SENP6: variants seen among roughly 807,000 people sequenced by gnomAD.
SENP6 encodes the protein SUMO specific peptidase 6, also known as sentrin-specific protease 6.
Under a neutral mutation model 134.5 loss-of-function variants are expected in SENP6, and 41 were observed. The observed-to-expected ratio is 0.30, with a 90% CI of 0.24 to 0.40. SENP6 has a LOEUF of 0.40. SENP6 is among the 10% of genes least tolerant of loss of function. The pLI is 1.00. For missense variants in SENP6, 1,248 were observed against 1,312.5 expected, an observed-to-expected ratio of 0.95 and a Z score of 0.76; for synonymous variants, 395 against 429.8, an observed-to-expected ratio of 0.92 and a Z score of 1.00.
chr6:75,695,730 C>G (rs1211788981), intron 16 of SENP6, 74 bp from the exon 17 acceptor site: 3 of 1,269,896 alleles, frequency 2.4e-6, no homozygotes, highest in Non-Finnish European at 3.2e-6. Flanking sequence ...GAGTGAGACT[C>G]TGTCTCAAAA....
intron 7 of SENP6, 52 bp from the exon 8 acceptor site, chr6:75,659,210 A>G (rs1771584551): frequency 6.6e-6 from 9 of 1,358,590 alleles, no homozygotes; most frequent in South Asian, 4.0e-5. Flanking sequence ...TTGCTGAAAC[A>G]CTAGCTTATT....
At chr6:75,634,386 A>G (rs1769346408) in intron 4 of SENP6, among the ~76,000 whole-genome samples, 1 of 152,144 alleles carries the variant, frequency 6.6e-6, no homozygotes, top group African/African-American at 2.4e-5. Context: ...AGCTGGGATT[A>G]CAGGTGCCCA....
intron 3 of SENP6, 150 bp from the exon 4 acceptor site, chr6:75,633,431 T>C: frequency 1.6e-6 from 1 of 612,656 alleles, no homozygotes. Context: ...AAGTAGGCAG[T>C]TGAATTATTC....
chr6:75,676,022 G>T lies in SENP6; in HGVS notation c.1589G>T (p.Trp530Leu). Residue 530 changes from tryptophan (W) to leucine (L), a missense_variant, in exon 13 of 24, where the codon TGG becomes TTG. By Grantham distance (61) the Trp-to-Leu change is moderately conservative. Transcript: ENST00000447266. ...QLQMNKEDKV[W>L]NDCKGVNKLT... ...CAAATGAATAAGGAGGATAAAGTTT[G>T]GAATGATTGTAAAGGAGTAAATAAA... 1.2e-6 allele frequency: 2 copies of T among 1,607,780 alleles called. No homozygotes were observed. The highest frequency in any genetic ancestry group is 2.2e-5 in the South Asian group (2 of 89,884).
At chr6:75,605,184 A>G (rs895170145) in intron 1 of SENP6, among the ~76,000 whole-genome samples, 3 of 152,266 alleles carry the variant, frequency 2.0e-5, no homozygotes, top group Admixed American at 6.5e-5. Flanking sequence ...ATATTAAGAC[A>G]TCTACATATT....
rs200273746 is a variant in SENP6, at chr6:75,693,397, CA to C, written c.2076-2406del. On this transcript the variant is annotated intron_variant, in intron 16 of 23. Coordinates refer to ENST00000447266, the MANE Select transcript of SENP6 (RefSeq NM_015571.4). ...GCAGCCTGGGAGACAGAGTGATACT[CA>C]GTCTGAAATTTAAAAAAAAAAAAAA... Among the ~76,000 whole-genome samples the C allele has an allele frequency of 3.6e-3, 478 of 132,190 alleles. 3 individuals carry two copies. Among genetic ancestry groups the C allele is most frequent in the African/African-American group, 0.013 (459 of 34,524 alleles). The allele number at this position is 132,190 out of a possible 152,430, so 86.7% of individuals were successfully genotyped here.
chr6:75,630,848 T>TA (rs34235206), intron 3 of SENP6, among the ~76,000 whole-genome samples: 3,763 of 149,292 alleles, frequency 0.025, 134 homozygotes, highest in African/African-American at 0.081. Context: ...AACCATCATT[T>TA]AAAAAAAAAA....
At chr6:75,603,120 A>G (rs182583705) in intron 1 of SENP6, among the ~76,000 whole-genome samples, 168 of 152,272 alleles carry the variant, frequency 1.1e-3, no homozygotes, top group African/African-American at 3.8e-3. Flanking sequence ...TGTTTTTATA[A>G]AAATATTCTG....
Position 75,715,603 on chromosome 6 carries a change from G to A in SENP6, c.*9G>A, listed in dbSNP as rs2149910451. 1.3e-6 allele frequency: 2 copies of A among 1,592,102 alleles called. No individual in the cohort carries two copies. The highest frequency in any genetic ancestry group is 2.2e-5 in the East Asian group (1 of 44,644). On this transcript the variant is annotated 3_prime_UTR_variant, in exon 24 of 24. Coordinates refer to ENST00000447266, the MANE Select transcript of SENP6 (RefSeq NM_015571.4). ...ATAGTATCTCAGATTGACCATTTCT[G>A]TTACTTGTCATTTCTACTTTCAGAA...
At chr6:75,665,379 G>T (rs1013154805) in intron 9 of SENP6, among the ~76,000 whole-genome samples, 14 of 152,120 alleles carry the variant, frequency 9.2e-5, no homozygotes, top group Non-Finnish European at 1.8e-4. Context: ...GCAAGCTTGT[G>T]GTGTTTCAGG....
chr6:75,685,583 A>G (rs1773778386), intron 16 of SENP6, among the ~76,000 whole-genome samples: 1 of 152,146 alleles, frequency 6.6e-6, no homozygotes. Flanking sequence ...TGTCCAAGAG[A>G]TTCTGGTACG....
At position 75,718,098 on chromosome 6, in the gene SENP6, A is replaced by C. The variant is rs1003220270; in HGVS notation, c.*2504A>C. ...ATTTGAAAACATAAAATGATTCTCT[A>C]AATTACATCTTGTTTTAAGCCACCA... On this transcript the variant is annotated 3_prime_UTR_variant, in exon 24 of 24. Coordinates refer to ENST00000447266, the MANE Select transcript of SENP6 (RefSeq NM_015571.4). 2 of 133,546 alleles carry C rather than the reference A, an allele frequency of 1.5e-5. No individual in the cohort carries two copies. Among genetic ancestry groups the C allele is most frequent in the African/African-American group, 4.9e-5 (2 of 40,638 alleles). 8.3% of individuals were successfully genotyped at this position (133,546 alleles called of 1,614,324 possible). A position where few individuals can be genotyped will look rare whatever the true frequency, so the allele number is the denominator to read the frequency against.
At chr6:75,694,444 T>TA (rs1774516016) in intron 16 of SENP6, among the ~76,000 whole-genome samples, 1 of 152,254 alleles carries the variant, frequency 6.6e-6, no homozygotes, top group African/African-American at 2.4e-5. Context: ...CAGCTTTACT[T>TA]AGATATAATA....
intron 18 of SENP6, among the ~76,000 whole-genome samples, chr6:75,701,950 T>A (rs1201771973): frequency 6.6e-6 from 1 of 151,912 alleles, no homozygotes; most frequent in Non-Finnish European, 1.5e-5. Context: ...GACAGTTTAA[T>A]CTTTAAGATG....
chr6:75,623,930 TGAG>T lies in SENP6; in HGVS notation c.180_182del (p.Glu60del). 6.2e-7 allele frequency: 1 copy of T among 1,609,836 alleles called. No homozygotes were observed. The highest frequency in any genetic ancestry group is 8.5e-7 in the Non-Finnish European group (1 of 1,177,722). On this transcript the variant is annotated inframe_deletion, in exon 3 of 24. Coordinates refer to ENST00000447266, the MANE Select transcript of SENP6 (RefSeq NM_015571.4). ...CAAATCTGCTCAGTGTGGATGAAGA[TGAG>T]GATTCTGAAACCTCAAAAGGAAAAA...
intron 8 of SENP6, among the ~76,000 whole-genome samples, chr6:75,661,184 C>A (rs1771748047): frequency 6.6e-6 from 1 of 152,196 alleles, no homozygotes; most frequent in African/African-American, 2.4e-5. Flanking sequence ...CAGTCCAACA[C>A]TGAGTTTATT....
chr6:75,625,824 G>A (rs1251906984), intron 3 of SENP6, among the ~76,000 whole-genome samples: 2 of 152,136 alleles, frequency 1.3e-5, no homozygotes, highest in Non-Finnish European at 2.9e-5. Context: ...AGCTGAGATT[G>A]CGCCACTGCA....
intron 11 of SENP6, among the ~76,000 whole-genome samples, chr6:75,672,625 T>C (rs1772763895): frequency 6.6e-6 from 1 of 152,148 alleles, no homozygotes; most frequent in South Asian, 2.1e-4. Flanking sequence ...AAAAAGATGA[T>C]TTGATATTTT....
intron 15 of SENP6, 51 bp downstream of exon 15, chr6:75,678,743 T>C: frequency 7.2e-7 from 1 of 1,387,546 alleles, no homozygotes; most frequent in Non-Finnish European, 1.0e-6. Context: ...TTTCTCTGTT[T>C]TATTACATTT....
Sources: allele counts gnomAD v4.1 joint callset (sites outside exome capture counted in the v4.1 genomes callset), GRCh38; gene constraint gnomAD v4.1.1; transcripts MANE v1.5; gene names NCBI Gene and HGNC (gene_info 2026-07-23, HGNC 2026-07-21).